Variants in GPHN observed in about 807,000 individuals in gnomAD.
GPHN encodes the protein gephyrin.
A neutral mutation model predicts 95.5 loss-of-function variants in GPHN; 17 were observed. That is an observed-to-expected ratio of 0.18 (90% CI 0.12 to 0.27). The LOEUF (loss-of-function observed/expected upper bound fraction) is 0.27. Among genes scored for constraint, GPHN ranks in the 10% least tolerant of loss-of-function variants. The pLI is 1.00. For missense variants in GPHN, 660 were observed against 978.1 expected, an observed-to-expected ratio of 0.67 and a Z score of 4.34; for synonymous variants, 320 against 322.5, an observed-to-expected ratio of 0.99 and a Z score of 0.08.
At chr14:67,731,110 T>G in the GPHN span, among the ~76,000 whole-genome samples, 1 of 152,138 alleles carries the variant, frequency 6.6e-6, no homozygotes, top group African/African-American at 2.4e-5. Flanking sequence ...CTAAATAAAT[T>G]TCACCAATTT....
intron 11 of GPHN, among the ~76,000 whole-genome samples, chr14:67,059,972 G>A (rs2075758832): frequency 6.6e-6 from 1 of 151,932 alleles, no homozygotes; most frequent in African/African-American, 2.4e-5. Context: ...TATTATTAAA[G>A]GTAGAATGTT....
chr14:67,138,338 A>G (rs1403237426), intron 17 of GPHN, among the ~76,000 whole-genome samples: 2 of 152,186 alleles, frequency 1.3e-5, no homozygotes, highest in Non-Finnish European at 2.9e-5. Context: ...TCTGTCTTAA[A>G]TATAAGGTCA....
At chr14:67,492,189 GGTCCCAC>G in the GPHN span, among the ~76,000 whole-genome samples, 1 of 152,054 alleles carries the variant, frequency 6.6e-6, no homozygotes, top group Non-Finnish European at 1.5e-5. Flanking sequence ...GGTGGTCTCT[GGTCCCAC>G]GTCTATTTCC....
At chr14:67,066,775 A>C (rs559038665) in intron 11 of GPHN, among the ~76,000 whole-genome samples, 1 of 152,230 alleles carries the variant, frequency 6.6e-6, no homozygotes, top group Admixed American at 6.5e-5. Flanking sequence ...GTTTTCAGCT[A>C]CATCAGGTCA....
At chr14:67,392,583 G>A in the GPHN span, 1 of 1,362,420 alleles carries the variant, frequency 7.3e-7, no homozygotes, top group South Asian at 1.2e-5. Context: ...TCCCATGACT[G>A]TGGCCCCCAG....
At chr14:66,863,338 A>G (rs926771144) in intron 4 of GPHN, among the ~76,000 whole-genome samples, 3 of 152,144 alleles carry the variant, frequency 2.0e-5, no homozygotes, top group African/African-American at 7.2e-5. Flanking sequence ...AAAACTGGAA[A>G]GTTATTCCAT....
At chr14:66,661,393 C>T (rs1293298703) in intron 1 of GPHN, among the ~76,000 whole-genome samples, 2 of 152,228 alleles carry the variant, frequency 1.3e-5, no homozygotes, top group South Asian at 2.1e-4. Flanking sequence ...CAAAGCTGCT[C>T]TACCAAAATG....
chr14:67,465,723 CAAGCCCCCTG>C, the GPHN span, among the ~76,000 whole-genome samples: 11 of 152,224 alleles, frequency 7.2e-5, no homozygotes, highest in African/African-American at 2.7e-4. Context: ...TAGCCACGTC[CAAGCCCCCTG>C]AAGCTGTGAA....
chr14:66,632,786 C>T (rs1020657997), intron 1 of GPHN, among the ~76,000 whole-genome samples: 13 of 152,054 alleles, frequency 8.5e-5, no homozygotes, highest in African/African-American at 7.2e-5. Flanking sequence ...CCACCGCACC[C>T]GGCCCCTTAT....
intron 9 of GPHN, among the ~76,000 whole-genome samples, chr14:67,011,834 T>TTATATATATATATATA (rs375784376): frequency 5.5e-4 from 81 of 148,078 alleles, no homozygotes; most frequent in African/African-American, 1.6e-3. Context: ...TACACAGATT[T>TTATATATATATATATA]TATATATATA....
intron 17 of GPHN, among the ~76,000 whole-genome samples, chr14:67,126,607 A>C (rs1298255289): frequency 1.3e-5 from 2 of 152,230 alleles, no homozygotes; most frequent in African/African-American, 4.8e-5. Context: ...CCAGATTTTG[A>C]AAGGATGTGG....
At chr14:66,869,358 CA>C (rs1252205613) in intron 4 of GPHN, among the ~76,000 whole-genome samples, 1 of 152,142 alleles carries the variant, frequency 6.6e-6, no homozygotes, top group Non-Finnish European at 1.5e-5. Context: ...TTCTAATAAA[CA>C]GGTATCTTTC....
chr14:67,457,054 G>A, the GPHN span, among the ~76,000 whole-genome samples: 5 of 152,158 alleles, frequency 3.3e-5, no homozygotes, highest in African/African-American at 1.2e-4. Context: ...GCATCTTCTC[G>A]TGTATAAGTG....
At chr14:66,874,332 A>C (rs2063562894) in intron 4 of GPHN, among the ~76,000 whole-genome samples, 1 of 152,184 alleles carries the variant, frequency 6.6e-6, no homozygotes, top group African/African-American at 2.4e-5. Flanking sequence ...AATTCCAAAA[A>C]CCAGAACACA....
At chr14:67,098,247 A>G (rs1467369568) in intron 12 of GPHN, among the ~76,000 whole-genome samples, 1 of 152,032 alleles carries the variant, frequency 6.6e-6, no homozygotes, top group East Asian at 1.9e-4. Context: ...TTTACCCCCT[A>G]CTCTCTCTCC....
At chr14:67,587,075 T>C in the GPHN span, 2 of 1,598,776 alleles carry the variant, frequency 1.3e-6, no homozygotes, top group Non-Finnish European at 1.7e-6. Flanking sequence ...TCCTCTTAGA[T>C]TGCAGAAGCT....
At chr14:67,379,543 C>T in the GPHN span, among the ~76,000 whole-genome samples, 1 of 152,136 alleles carries the variant, frequency 6.6e-6, no homozygotes, top group Admixed American at 6.5e-5. Context: ...AAAGTTCCCT[C>T]CACCCAAATT....
chr14:66,587,476 A>G lies in GPHN; in HGVS notation c.64+78885A>G, dbSNP rs941983166. ...TGATAAACAGATGCAGATATTCTCA[A>G]TAAAATACTAGCAAATTAAATTCAG... On this transcript the variant is annotated intron_variant, in intron 1 of 22. Coordinates refer to ENST00000478722, the MANE Select transcript of GPHN (RefSeq NM_020806.5). Among the ~76,000 whole-genome samples the G allele has an allele frequency of 5.9e-5, 9 of 152,192 alleles. No homozygotes were observed. The South Asian group carries it at 6.2e-4, about 11-fold the overall frequency.
chr14:67,235,946 T>C, the GPHN span, among the ~76,000 whole-genome samples: 1 of 152,070 alleles, frequency 6.6e-6, no homozygotes, highest in East Asian at 1.9e-4. Flanking sequence ...TATGTGTGTC[T>C]TTTTAAAATT....
Sources: allele counts gnomAD v4.1 joint callset (sites outside exome capture counted in the v4.1 genomes callset), GRCh38; gene constraint gnomAD v4.1.1; transcripts MANE v1.5; gene names NCBI Gene and HGNC (gene_info 2026-07-23, HGNC 2026-07-21).